OTULINL: variants seen among roughly 807,000 people sequenced by gnomAD.
The protein encoded by OTULINL is inactive ubiquitin thioesterase OTULINL.
OTULINL carries 42 observed loss-of-function variants against 43.9 expected under a neutral mutation model. The ratio of observed to expected loss-of-function variants is 0.96; its 90% CI spans 0.75 to 1.24. The LOEUF is 1.24. Among genes scored for constraint, OTULINL ranks in the 50% most tolerant of loss-of-function variants. The probability of loss-of-function intolerance (pLI) is 0.00; values close to 1 mark genes in which losing one functional copy is unlikely to be tolerated. For missense variants in OTULINL, 411 were observed against 426.4 expected (o/e 0.96, Z 0.32); for synonymous variants, 172 against 153.6 (o/e 1.12, Z -0.88).
At chr5:14,588,021 G>A (rs1489586945) in intron 1 of OTULINL, among the ~76,000 whole-genome samples, 4 of 152,136 alleles carry the variant, frequency 2.6e-5, no homozygotes, top group African/African-American at 7.2e-5. Context: ...CCTTTGGGTC[G>A]ACAGGTTTAA....
intron 5 of OTULINL, among the ~76,000 whole-genome samples, chr5:14,605,840 T>C (rs1759465707): frequency 6.6e-6 from 1 of 152,208 alleles, no homozygotes; most frequent in African/African-American, 2.4e-5. Context: ...TGGATTTCAT[T>C]ATCCATATCA....
At chr5:14,599,956 C>T (rs551604165) in intron 1 of OTULINL, among the ~76,000 whole-genome samples, 1 of 152,310 alleles carries the variant, frequency 6.6e-6, no homozygotes, top group African/African-American at 2.4e-5. Flanking sequence ...GAGTTACTTG[C>T]TCTGTGCTGC....
intron 3 of OTULINL, 22 bp from the exon 4 acceptor site, chr5:14,601,329 T>C (rs772591819): frequency 2.5e-5 from 40 of 1,612,790 alleles, no homozygotes; most frequent in Middle Eastern, 1.6e-4. Flanking sequence ...ATTAACAGCT[T>C]TTTATTTTTT....
At chr5:14,593,554 C>T (rs955708490) in intron 1 of OTULINL, among the ~76,000 whole-genome samples, 7 of 152,288 alleles carry the variant, frequency 4.6e-5, no homozygotes, top group Admixed American at 1.3e-4. Flanking sequence ...TGTGACTCCA[C>T]GGGGAAGGAA....
Position 14,609,015 on chromosome 5 carries a change from C to G in OTULINL, c.895C>G (p.Gln299Glu), listed in dbSNP as rs372358168. 1 of 1,604,424 alleles carries G rather than the reference C, an allele frequency of 6.2e-7. No individual in the cohort carries two copies. The highest frequency in any genetic ancestry group is 1.7e-5 in the Admixed American group (1 of 59,204). Residue 299 changes from glutamine (Q) to glutamate (E), a missense_variant and splice_region_variant, in exon 7 of 8, where the codon CAG (glutamine) becomes GAG (glutamate). Coordinates refer to ENST00000274217, the MANE Select transcript of OTULINL (RefSeq NM_019018.3). Reference protein sequence around the residue: ...NSVGDTCGLEQIDMFILGYSL... With the variant: ...NSVGDTCGLEEIDMFILGYSL... ...TGTAGGCGACACATGTGGACTAGAG[C>G]AGGTAACCGGGGAGGAAGAACTGCT...
chr5:14,610,323 G>C lies in OTULINL; in HGVS notation c.*9G>C. The C allele has an allele frequency of 1.2e-6, 2 of 1,612,046 alleles. No homozygotes were observed. The highest frequency in any genetic ancestry group is 1.7e-6 in the Non-Finnish European group (2 of 1,179,854). ...ACATTCCAGTCTTTTAAGTCCGCTG[G>C]GGGCCGAACAGCAGTGCTCACCAGT... On this transcript the variant is annotated 3_prime_UTR_variant, in exon 8 of 8. Coordinates refer to ENST00000274217, the MANE Select transcript of OTULINL (RefSeq NM_019018.3).
intron 1 of OTULINL, among the ~76,000 whole-genome samples, chr5:14,596,750 G>T (rs1345065413): frequency 1.3e-5 from 2 of 152,152 alleles, no homozygotes; most frequent in East Asian, 3.8e-4. Flanking sequence ...TATTCCTGCA[G>T]TTCTGGGGAC....
intron 1 of OTULINL, among the ~76,000 whole-genome samples, chr5:14,589,049 A>AAAT: frequency 6.6e-6 from 1 of 152,256 alleles, no homozygotes; most frequent in East Asian, 1.9e-4. Flanking sequence ...TACATGATAC[A>AAAT]TTTCGTTCAT....
intron 1 of OTULINL, among the ~76,000 whole-genome samples, chr5:14,586,364 A>G (rs751219433): frequency 6.6e-6 from 1 of 152,218 alleles, no homozygotes; most frequent in Non-Finnish European, 1.5e-5. Flanking sequence ...TTGGAGCCAG[A>G]ATAGACAGGT....
rs1168189466 is a variant in OTULINL, at chr5:14,613,173, C to T, written c.*2859C>T. Among the ~76,000 whole-genome samples the T allele has an allele frequency of 5.3e-5, 8 of 152,192 alleles. No homozygotes were observed. Among genetic ancestry groups the T allele is most frequent in the Non-Finnish European group, 8.8e-5 (6 of 68,034 alleles). On this transcript the variant is annotated 3_prime_UTR_variant, in exon 8 of 8. Transcript: ENST00000274217. ...CTGACCTTGGGCGATCCGCCTACCT[C>T]GGCATCCCAAAGTGCTGGGATTACG...
At chr5:14,597,644 A>T (rs1759310181) in intron 1 of OTULINL, among the ~76,000 whole-genome samples, 1 of 152,168 alleles carries the variant, frequency 6.6e-6, no homozygotes, top group Admixed American at 6.5e-5. Context: ...GAGAAGGCTC[A>T]CTCCTAATGT....
chr5:14,600,904 TAAAGC>T (rs1759373938), intron 1 of OTULINL, 56 bp from the exon 2 acceptor site: 2 of 1,324,720 alleles, frequency 1.5e-6, no homozygotes, highest in East Asian at 5.5e-5. Flanking sequence ...TTTTTTCTCT[TAAAGC>T]AAACTTGTGT....
intron 1 of OTULINL, among the ~76,000 whole-genome samples, chr5:14,582,611 T>C (rs956981102): frequency 6.6e-6 from 1 of 151,760 alleles, no homozygotes; most frequent in African/African-American, 2.4e-5. Flanking sequence ...CTAGCCAGCA[T>C]AGCGAAACCC....
chr5:14,609,534 A>G (rs1251086316), intron 7 of OTULINL, among the ~76,000 whole-genome samples: 2 of 152,224 alleles, frequency 1.3e-5, no homozygotes, highest in African/African-American at 2.4e-5. Context: ...ATTGAATGAT[A>G]TAAAACTGAT....
intron 1 of OTULINL, among the ~76,000 whole-genome samples, chr5:14,591,094 C>T (rs2126772667): frequency 6.6e-6 from 1 of 152,196 alleles, no homozygotes; most frequent in East Asian, 1.9e-4. Context: ...GAAAAGTCAC[C>T]CCCAGGGCAA....
At chr5:14,605,116 C>G (rs1179113653) in intron 5 of OTULINL, among the ~76,000 whole-genome samples, 4 of 152,228 alleles carry the variant, frequency 2.6e-5, no homozygotes, top group Non-Finnish European at 5.9e-5. Context: ...GCCTGGACAT[C>G]AAGGCATTTC....
chr5:14,587,773 G>A (rs1759132201), intron 1 of OTULINL, among the ~76,000 whole-genome samples: 2 of 152,138 alleles, frequency 1.3e-5, no homozygotes, highest in African/African-American at 2.4e-5. Flanking sequence ...CATGATAGAG[G>A]ACTTGCAGAG....
chr5:14,610,344 C>T lies in OTULINL; in HGVS notation c.*30C>T. On this transcript the variant is annotated 3_prime_UTR_variant, in exon 8 of 8. Transcript: ENST00000274217. ...GCTGGGGGCCGAACAGCAGTGCTCA[C>T]CAGTGACGGTGGTCACAGTTGCAAT... is the stretch of plus-strand genomic sequence containing the variant. 6.2e-7 allele frequency: 1 copy of T among 1,600,648 alleles called. No individual in the cohort carries two copies. Among genetic ancestry groups the T allele is most frequent in the East Asian group, 2.2e-5 (1 of 44,696 alleles).
intron 1 of OTULINL, among the ~76,000 whole-genome samples, chr5:14,585,735 G>A (rs1210303421): frequency 6.6e-6 from 1 of 152,252 alleles, no homozygotes; most frequent in Admixed American, 6.5e-5. Flanking sequence ...CACAACGGCT[G>A]CAGAATTTGC....
Sources: allele counts gnomAD v4.1 joint callset (sites outside exome capture counted in the v4.1 genomes callset), GRCh38; gene constraint gnomAD v4.1.1; transcripts MANE v1.5; gene names NCBI Gene and HGNC (gene_info 2026-07-23, HGNC 2026-07-21).